Variants in CELF2 observed in about 807,000 individuals in gnomAD.
CELF2 encodes the protein CUGBP Elav-like family member 2, also known as CUG triplet repeat RNA-binding protein 2.
In CELF2, 8 loss-of-function variants were observed where a neutral mutation model predicts 62.6. That is an observed-to-expected ratio of 0.13 (90% CI 0.07 to 0.23). CELF2 has a LOEUF of 0.23. Ranked by LOEUF, CELF2 falls within the 10% of genes least tolerant of loss-of-function variation. CELF2 has a pLI of 1.00. For synonymous variants in CELF2, 258 were observed against 250.0 expected (o/e 1.03, Z -0.30); for missense variants, 333 against 671.0 (o/e 0.50, Z 5.56).
intron 7 of CELF2, among the ~76,000 whole-genome samples, chr10:11,274,460 A>ATAG (rs1447130106): frequency 2.6e-5 from 4 of 152,262 alleles, no homozygotes; most frequent in African/African-American, 9.6e-5. Context: ...TTCGATGTAC[A>ATAG]TAGCACCAGA....
the CELF2 span, among the ~76,000 whole-genome samples, chr10:10,623,085 C>CAAAAAAAAAAAAA: frequency 5.2e-4 from 30 of 57,218 alleles, 1 homozygote; most frequent in East Asian, 4.0e-3. Flanking sequence ...GACTCCGTCT[C>CAAAAAAAAAAAAA]AAAAAAAAAA....
the CELF2 span, among the ~76,000 whole-genome samples, chr10:10,771,695 TAAG>T: frequency 1.3e-5 from 2 of 152,338 alleles, no homozygotes; most frequent in Admixed American, 6.5e-5. Flanking sequence ...GCCATCCACA[TAAG>T]AAGGGACTTG....
At chr10:10,735,992 T>C in the CELF2 span, among the ~76,000 whole-genome samples, 1 of 152,192 alleles carries the variant, frequency 6.6e-6, no homozygotes, top group Non-Finnish European at 1.5e-5. Context: ...TAACTCGATG[T>C]ATGAATTTGG....
At position 10,998,240 on chromosome 10, in the gene CELF2, A is replaced by G. The variant is rs141882956; in HGVS notation, c.89+78241A>G. Among the ~76,000 whole-genome samples, 436 of 152,260 alleles carry G rather than the reference A, an allele frequency of 2.9e-3. 3 individuals are homozygous for G. Among genetic ancestry groups the G allele is most frequent in the Non-Finnish European group, 3.3e-3 (223 of 68,014 alleles). ...GCTGAGTTATCTTTCTAGAGCCCCA[A>G]ACCTTTCATGGCTTCCTAATGGCAG... On this transcript the variant is annotated intron_variant, in intron 2 of 13. Transcript: ENST00000636488.
chr10:10,960,433 TTCTG>T (rs1179448818), intron 2 of CELF2: 1 of 152,260 alleles, frequency 6.6e-6, no homozygotes. Context: ...TGTTAGAACA[TTCTG>T]TCAGATAGAA....
chr10:10,694,938 C>A, the CELF2 span, among the ~76,000 whole-genome samples: 1 of 151,092 alleles, frequency 6.6e-6, no homozygotes, highest in Admixed American at 6.6e-5. Flanking sequence ...CTGAATACAG[C>A]ACACTGATGG....
rs909655481 is a variant in CELF2, at chr10:10,979,289, A to C, written c.89+59290A>C. On this transcript the variant is annotated intron_variant, in intron 2 of 13. Transcript: ENST00000636488. Reference sequence around the variant, plus strand: ...AGGCCACAAGAGTCACTGATTGGCAAACCTCAGATTATAAATCTAAGAAGG... The same window carrying C: ...AGGCCACAAGAGTCACTGATTGGCACACCTCAGATTATAAATCTAAGAAGG... 2.0e-5 allele frequency among the ~76,000 whole-genome samples: 3 copies of C among 152,330 alleles called. No individual in the cohort carries two copies. The East Asian group carries it at 5.8e-4, about 29-fold the overall frequency.
chr10:11,091,865 T>C (rs752002912), intron 1 of CELF2, among the ~76,000 whole-genome samples: 8 of 152,162 alleles, frequency 5.3e-5, no homozygotes, highest in Non-Finnish European at 8.8e-5. Flanking sequence ...CAGATATAAC[T>C]CGTTCATGAG....
chr10:11,192,720 A>C (rs995241421), intron 2 of CELF2, among the ~76,000 whole-genome samples: 1 of 152,188 alleles, frequency 6.6e-6, no homozygotes, highest in Non-Finnish European at 1.5e-5. Context: ...CCGAGTTCAC[A>C]TGGGACTCAA....
chr10:10,754,150 CT>C, the CELF2 span, among the ~76,000 whole-genome samples: 147 of 83,006 alleles, frequency 1.8e-3, no homozygotes, highest in Non-Finnish European at 1.6e-3. Context: ...ACACTTTTTT[CT>C]TTTTTTTTTT....
chr10:11,181,076 GC>G (rs1273796225), intron 2 of CELF2, among the ~76,000 whole-genome samples: 3 of 152,104 alleles, frequency 2.0e-5, no homozygotes, highest in Non-Finnish European at 4.4e-5. Context: ...TGCCATGTTG[GC>G]CAGGCTGGTC....
chr10:10,527,228 G>A, the CELF2 span, among the ~76,000 whole-genome samples: 1 of 152,226 alleles, frequency 6.6e-6, no homozygotes, highest in East Asian at 1.9e-4. Context: ...GATAACTTGA[G>A]GCCAGGAGTT....
rs61759503 is a variant in CELF2, at chr10:11,321,250, G to A, written c.1158G>A (p.Thr386=). The change falls in exon 11 of 13, where the codon ACG becomes ACA. Residue 386 remains threonine, a synonymous_variant. Coordinates refer to ENST00000633077, the MANE Select transcript of CELF2 (RefSeq NM_001326342.2). This position sits in a 1 kb window ranked among gnomAD's most constrained non-coding sequence, Gnocchi z 6.2. ...LNGGLGATGL[T]NGTAGTMDAL... Reference sequence around the variant, plus strand: ...GAGGACTTGGCGCCACAGGCTTGACGAATGGCACGGCTGGCACCATGGACG... The same window carrying A: ...GAGGACTTGGCGCCACAGGCTTGACAAATGGCACGGCTGGCACCATGGACG... 2.2e-4 allele frequency: 347 copies of A among 1,613,948 alleles called. No homozygotes were observed. Among genetic ancestry groups the A allele is most frequent in the Non-Finnish European group, 2.6e-4 (311 of 1,180,036 alleles).
At chr10:10,599,149 T>C in the CELF2 span, among the ~76,000 whole-genome samples, 1 of 152,196 alleles carries the variant, frequency 6.6e-6, no homozygotes, top group Non-Finnish European at 1.5e-5. Context: ...CCAGGTATAT[T>C]GGTGAGTATT....
At chr10:10,829,561 G>A (rs2057680720) in intron 1 of CELF2, among the ~76,000 whole-genome samples, 2 of 152,140 alleles carry the variant, frequency 1.3e-5, no homozygotes, top group South Asian at 2.1e-4. Flanking sequence ...ATGGAATTTG[G>A]ACTTAAATAT....
At chr10:11,121,491 C>A (rs1331391026) in intron 1 of CELF2, among the ~76,000 whole-genome samples, 1 of 152,090 alleles carries the variant, frequency 6.6e-6, no homozygotes, top group Non-Finnish European at 1.5e-5. Context: ...TCTCATCTTC[C>A]CTTAACAATT....
At chr10:10,463,325 G>A in the CELF2 span, among the ~76,000 whole-genome samples, 1 of 152,120 alleles carries the variant, frequency 6.6e-6, no homozygotes, top group East Asian at 1.9e-4. Flanking sequence ...CTCTGTTGTG[G>A]GGGAATAACT....
At chr10:10,666,380 G>T in the CELF2 span, among the ~76,000 whole-genome samples, 1 of 152,146 alleles carries the variant, frequency 6.6e-6, no homozygotes, top group Admixed American at 6.5e-5. Context: ...GACCACACAC[G>T]CTCCTCCACC....
the CELF2 span, among the ~76,000 whole-genome samples, chr10:10,558,075 A>T: frequency 6.7e-6 from 1 of 149,994 alleles, no homozygotes; most frequent in Non-Finnish European, 1.5e-5. Context: ...CACTATGTTG[A>T]ATAGGAGTGG....
Sources: allele counts gnomAD v4.1 joint callset (sites outside exome capture counted in the v4.1 genomes callset), GRCh38; gene constraint gnomAD v4.1.1; non-coding constraint Gnocchi (gnomAD v3.1); transcripts MANE v1.5; gene names NCBI Gene and HGNC (gene_info 2026-07-23, HGNC 2026-07-21).